Variants in RXRA observed in about 807,000 individuals in gnomAD.
RXRA encodes the protein retinoic acid receptor RXR-alpha.
In RXRA, 5 loss-of-function variants were observed where a neutral mutation model predicts 44.5. That is an observed-to-expected ratio of 0.11 (90% CI 0.06 to 0.24). The LOEUF is 0.24. RXRA is among the 10% of genes least tolerant of loss of function. The pLI is 1.00. For missense variants in RXRA, 412 were observed against 646.5 expected (o/e 0.64, Z 3.93); for synonymous variants, 291 against 271.4 (o/e 1.07, Z -0.71).
intron 1 of RXRA, among the ~76,000 whole-genome samples, chr9:134,335,761 C>T (rs1489576025): frequency 6.6e-6 from 1 of 152,156 alleles, no homozygotes; most frequent in Non-Finnish European, 1.5e-5. Context: ...ATGTGCGGTA[C>T]CCCACCTCGG....
chr9:134,414,757 C>T (rs1831206476), intron 4 of RXRA, among the ~76,000 whole-genome samples: 1 of 152,222 alleles, frequency 6.6e-6, no homozygotes, highest in Admixed American at 6.5e-5. Flanking sequence ...TCTCAGGGAC[C>T]TGGGCCAGTG....
At position 134,342,821 on chromosome 9, in the gene RXRA, C is replaced by T. The variant is rs1171359197; in HGVS notation, c.28+16162C>T. On this transcript the variant is annotated intron_variant, in intron 1 of 9. Coordinates refer to ENST00000481739, the MANE Select transcript of RXRA (RefSeq NM_002957.6). This position sits in a 1 kb window ranked among gnomAD's most constrained non-coding sequence, Gnocchi z 4.4. The stretch of plus-strand genomic sequence containing the variant: ...CTGGCCCTTCCTGCTCTGGCTGGCT[C>T]AGCAGGTTGAGCGCAGGTGGTGGCT... Among the ~76,000 whole-genome samples the T allele has an allele frequency of 2.0e-5, 3 of 152,166 alleles. No homozygotes were observed. Among genetic ancestry groups the T allele is most frequent in the East Asian group, 1.9e-4 (1 of 5,174 alleles).
chr9:134,363,441 C>G (rs1033619453), intron 1 of RXRA, among the ~76,000 whole-genome samples: 13 of 152,234 alleles, frequency 8.5e-5, no homozygotes, highest in African/African-American at 3.1e-4. Context: ...TCATCTAAAG[C>G]CCAGCCCTCA....
intron 1 of RXRA, among the ~76,000 whole-genome samples, chr9:134,351,324 G>A (rs1554749423): frequency 6.6e-6 from 1 of 152,226 alleles, no homozygotes. Context: ...TCACTCGAAA[G>A]GGGCCCTATG....
intron 8 of RXRA, 34 bp downstream of exon 8, chr9:134,432,030 G>C (rs200979387): frequency 1.3e-6 from 2 of 1,549,952 alleles, no homozygotes. Flanking sequence ...TTCTGGCCCC[G>C]TTCTCTGGTG....
chr9:134,408,937 C>T lies in RXRA; in HGVS notation c.431-3C>T, dbSNP rs546654816. 12 of 1,538,814 alleles carry T rather than the reference C, an allele frequency of 7.8e-6. No homozygotes were observed. The South Asian group carries it at 1.2e-4, about 16-fold the overall frequency. ...CCCAGCCCTGCTCTGCCCTGTCCCG[C>T]AGGCAAGCACTATGGAGTGTACAGC... On this transcript the variant is annotated splice_region_variant and splice_polypyrimidine_tract_variant and intron_variant, in intron 3 of 9. Coordinates refer to ENST00000481739, the MANE Select transcript of RXRA (RefSeq NM_002957.6).
intron 1 of RXRA, among the ~76,000 whole-genome samples, chr9:134,380,406 C>T (rs148368995): frequency 9.1e-4 from 138 of 152,016 alleles, no homozygotes; most frequent in Non-Finnish European, 1.1e-3. Flanking sequence ...CGCCTGGGGT[C>T]GGATAGGGGC....
intron 1 of RXRA, among the ~76,000 whole-genome samples, chr9:134,397,301 C>T (rs1830894316): frequency 6.6e-6 from 1 of 152,286 alleles, no homozygotes; most frequent in East Asian, 1.9e-4. Flanking sequence ...GCAGTCAGGA[C>T]AAGAACATTC....
At chr9:134,340,908 G>A (rs1341814700) in intron 1 of RXRA, among the ~76,000 whole-genome samples, 1 of 152,228 alleles carries the variant, frequency 6.6e-6, no homozygotes, top group South Asian at 2.1e-4. Flanking sequence ...CCCTGGAAAG[G>A]CCTCGCAGGA....
rs995119165 is a variant in RXRA at position 134,434,341 on chromosome 9, G to A, written c.1241+134G>A. 8.0e-5 allele frequency: 52 copies of A among 649,930 alleles called. No individual in the cohort carries two copies. The African/African-American group carries it at 8.3e-4, about 10-fold the overall frequency. The allele number at this position is 649,930 out of a possible 1,614,324, so 40.3% of individuals were successfully genotyped here. On this transcript the variant is annotated intron_variant, in intron 9 of 9. Transcript: ENST00000481739. The stretch of plus-strand genomic sequence containing the variant: ...GGCCCAGCCCATGCCAGCAGGTCCT[G>A]AGCAGGCAGCAGGAGGTCCTCCAGG...
chr9:134,405,328 A>G (rs1158693516), intron 2 of RXRA: 2 of 152,448 alleles, frequency 1.3e-5, no homozygotes, highest in African/African-American at 4.8e-5. Flanking sequence ...TGGGCACCTC[A>G]GCCCGGGCTC....
At chr9:134,355,782 G>A (rs1035688049) in intron 1 of RXRA, among the ~76,000 whole-genome samples, 2 of 152,200 alleles carry the variant, frequency 1.3e-5, no homozygotes, top group African/African-American at 2.4e-5. Flanking sequence ...GACCTGGCCC[G>A]TTGTGCAACC....
At chr9:134,398,816 G>T (rs1830918309) in intron 1 of RXRA, among the ~76,000 whole-genome samples, 1 of 152,224 alleles carries the variant, frequency 6.6e-6, no homozygotes, top group Admixed American at 6.5e-5. Flanking sequence ...GGGTGCCTAG[G>T]GCCTCAGATC....
At chr9:134,371,111 G>A (rs1430852445) in intron 1 of RXRA, among the ~76,000 whole-genome samples, 2 of 152,144 alleles carry the variant, frequency 1.3e-5, no homozygotes, top group South Asian at 2.1e-4. Flanking sequence ...CCTGGAGAGG[G>A]GTTTGCATCC....
Position 134,429,089 on chromosome 9 carries a change from CTG to C in RXRA, c.911-14_911-13del, listed in dbSNP as rs1170566291. On this transcript the variant is annotated splice_polypyrimidine_tract_variant and intron_variant, in intron 6 of 9. Coordinates refer to ENST00000481739, the MANE Select transcript of RXRA (RefSeq NM_002957.6). ...GTGGGGCCTGGAGACAGCTGAGTGA[CTG>C]TGTGCCTCCTCCCCAGGCTGGAATG... is the stretch of plus-strand genomic sequence containing the variant. The C allele has an allele frequency of 1.2e-6, 2 of 1,612,646 alleles. No individual in the cohort carries two copies. Among genetic ancestry groups the C allele is most frequent in the East Asian group, 2.2e-5 (1 of 44,864 alleles).
intron 1 of RXRA, among the ~76,000 whole-genome samples, chr9:134,378,550 C>G (rs1830593542): frequency 6.6e-6 from 1 of 152,330 alleles, no homozygotes; most frequent in African/African-American, 2.4e-5. Flanking sequence ...AGGGAATAGG[C>G]TGTGGCCCCT....
intron 1 of RXRA, among the ~76,000 whole-genome samples, chr9:134,363,089 G>C (rs1830371888): frequency 6.6e-6 from 1 of 152,228 alleles, no homozygotes; most frequent in African/African-American, 2.4e-5. Context: ...AGGGCACCAA[G>C]TTCAGTAAGT....
intron 8 of RXRA, among the ~76,000 whole-genome samples, chr9:134,432,415 A>G (rs1177791142): frequency 2.0e-5 from 3 of 151,962 alleles, no homozygotes; most frequent in South Asian, 4.1e-4. Flanking sequence ...GAGGGGACCA[A>G]CCTCATCCCC....
In RXRA at chr9:134,342,981, C is replaced by T. The variant is rs1227859335; in HGVS notation, c.28+16322C>T. 6.6e-5 allele frequency among the ~76,000 whole-genome samples: 10 copies of T among 152,132 alleles called. No homozygotes were observed. Among genetic ancestry groups the T allele is most frequent in the Admixed American group, 2.0e-4 (3 of 15,282 alleles). On this transcript the variant is annotated intron_variant, in intron 1 of 9. Coordinates refer to ENST00000481739, the MANE Select transcript of RXRA (RefSeq NM_002957.6). The surrounding 1 kb of genome is among the most constrained non-coding windows in gnomAD (Gnocchi z 4.4). Reference sequence around the variant, plus strand: ...GATTAGAGGCCAGGAAACCCAATCCCGCAGCCTAGGCAGTGGGGGGACCTC... The same window carrying T: ...GATTAGAGGCCAGGAAACCCAATCCTGCAGCCTAGGCAGTGGGGGGACCTC...
Sources: allele counts gnomAD v4.1 joint callset (sites outside exome capture counted in the v4.1 genomes callset), GRCh38; gene constraint gnomAD v4.1.1; non-coding constraint Gnocchi (gnomAD v3.1); transcripts MANE v1.5; gene names NCBI Gene and HGNC (gene_info 2026-07-23, HGNC 2026-07-21).